The following STRIP1 variants were observed in gnomAD, a reference collection of about 807,000 sequenced individuals.
The protein encoded by STRIP1 is striatin interacting protein 1.
In STRIP1, 63 loss-of-function variants were observed where a neutral mutation model predicts 106.2. The ratio of observed to expected loss-of-function variants is 0.59; its 90% CI spans 0.48 to 0.73. The LOEUF is 0.73. Ranked by LOEUF, STRIP1 falls within the 30% of genes least tolerant of loss-of-function variation. The pLI is 0.00. For synonymous variants in STRIP1, 390 were observed against 413.0 expected, an observed-to-expected ratio of 0.94 and a Z score of 0.67; for missense variants, 857 against 1,074.8, an observed-to-expected ratio of 0.80 and a Z score of 2.83.
At position 110,054,014 on chromosome 1, in the gene STRIP1, G is replaced by A. The variant is rs1286376301; in HGVS notation, c.*102G>A. On this transcript the variant is annotated 3_prime_UTR_variant, in exon 21 of 21. Coordinates refer to ENST00000369795, the MANE Select transcript of STRIP1 (RefSeq NM_033088.4). The stretch of plus-strand genomic sequence containing the variant: ...GCAGTGCTCCCATCCCCCACCAGGT[G>A]GCAGCACAGCCCCACTGTGTCTTCC... 6.9e-7 allele frequency: 1 copy of A among 1,442,688 alleles called. No individual in the cohort carries two copies. The highest frequency in any genetic ancestry group is 1.4e-5 in the African/African-American group (1 of 71,744). The allele number at this position is 1,442,688 out of a possible 1,614,324, so 89.4% of individuals were successfully genotyped here.
intron 10 of STRIP1, 120 bp downstream of exon 10, chr1:110,043,976 C>T (rs1652899353): frequency 3.2e-6 from 3 of 947,606 alleles, no homozygotes; most frequent in South Asian, 2.8e-5. Context: ...GACCGTGGCT[C>T]TGGGATGAGG....
chr1:110,042,046 G>A (rs1041812482), intron 8 of STRIP1, among the ~76,000 whole-genome samples, 185 bp downstream of exon 8: 2 of 152,184 alleles, frequency 1.3e-5, no homozygotes, highest in Admixed American at 1.3e-4. Flanking sequence ...TGCAGCCAAC[G>A]AGGACATAGG....
At chr1:110,041,378 G>T in intron 6 of STRIP1, 158 bp from the exon 7 acceptor site, 1 of 594,592 alleles carries the variant, frequency 1.7e-6, no homozygotes, top group Non-Finnish European at 3.0e-6. Context: ...AGGAAGCTTA[G>T]GGTGGTAAAT....
chr1:110,049,250 G>C lies in STRIP1; in HGVS notation c.1788+12G>C, dbSNP rs761469618. 3 of 1,613,992 alleles carry C rather than the reference G, an allele frequency of 1.9e-6. No individual in the cohort carries two copies. The South Asian group carries it at 3.3e-5, about 18-fold the overall frequency. Reference sequence around the variant, plus strand: ...ACCATGTCTACCAGGTACCCACAGGGCTTTCCCTCCTGTCCTGTGGGCTGG... The same window carrying C: ...ACCATGTCTACCAGGTACCCACAGGCCTTTCCCTCCTGTCCTGTGGGCTGG... On this transcript the variant is annotated intron_variant, in intron 16 of 20. Coordinates refer to ENST00000369795, the MANE Select transcript of STRIP1 (RefSeq NM_033088.4).
rs1485916874 is a variant in STRIP1 at position 110,039,305 on chromosome 1, A to G, written c.459A>G (p.Gln153=). The change falls in exon 4 of 21, where the codon CAA becomes CAG. Residue 153 remains glutamine, a splice_region_variant and synonymous_variant. Transcript: ENST00000369795. ...KVARAILYVA[Q]GTFGECSSEA... ...CTCGAGCAATTCTCTATGTTGCTCA[A>G]GGTATTGAGTGGACCTCCCCAGGGT... 6 of 1,614,034 alleles carry G rather than the reference A, an allele frequency of 3.7e-6. No homozygotes were observed. Among genetic ancestry groups the G allele is most frequent in the East Asian group, 2.2e-5 (1 of 44,884 alleles).
chr1:110,034,463 C>T (rs1652329985), upstream of STRIP1, among the ~76,000 whole-genome samples: 1 of 152,170 alleles, frequency 6.6e-6, no homozygotes, highest in African/African-American at 2.4e-5. Flanking sequence ...CTAAAAAGAT[C>T]AACAAGGGAA....
chr1:110,041,836 T>C lies in STRIP1; in HGVS notation c.860T>C (p.Leu287Pro). The change falls in exon 8 of 21, where the codon CTC (leucine) becomes CCC (proline). Residue 287 changes from leucine to proline, a missense_variant. By Grantham distance (98) the Leu-to-Pro change is moderately conservative. Transcript: ENST00000369795. ...HAPHFPMKKV[L>P]LLLWKTVLCT... ...CCTCACTTTCCCATGAAGAAAGTTC[T>C]CTTGCTGCTCTGGAAGACAGTATTG... 1 of 1,614,212 alleles carries C rather than the reference T, an allele frequency of 6.2e-7. No individual in the cohort carries two copies. Among genetic ancestry groups the C allele is most frequent in the East Asian group, 2.2e-5 (1 of 44,888 alleles).
At chr1:110,034,931 G>C (rs1652367314) in intron 1 of STRIP1, 114 bp downstream of exon 1, 17 of 1,038,090 alleles carry the variant, frequency 1.6e-5, no homozygotes, top group Non-Finnish European at 2.2e-5. Context: ...GTAGAGTCCG[G>C]CCGAGAACTG....
rs755613448 is a variant in STRIP1, at chr1:110,041,782, T to C, written c.806T>C (p.Met269Thr). The stretch of plus-strand genomic sequence containing the variant: ...CCATTTGCCATCATGCTGTTTGGGA[T>C]GGTGACCAAATTTTGCAGTGGTCAC... ...NEPFAIMLFG[M>T]VTKFCSGHAP... is the part of the protein sequence containing the mutation. Residue 269 changes from methionine (M) to threonine (T), a missense_variant, in exon 8 of 21, where the codon ATG becomes ACG. Met to Thr is a moderately conservative substitution (Grantham distance 81). Coordinates refer to ENST00000369795, the MANE Select transcript of STRIP1 (RefSeq NM_033088.4). The C allele has an allele frequency of 5.1e-5, 83 of 1,614,052 alleles. No individual in the cohort carries two copies. Among genetic ancestry groups the C allele is most frequent in the Non-Finnish European group, 6.8e-5 (80 of 1,180,024 alleles).
intron 5 of STRIP1, among the ~76,000 whole-genome samples, chr1:110,040,176 TTTTTTG>T (rs910557063): frequency 9.9e-5 from 15 of 152,214 alleles, no homozygotes; most frequent in Non-Finnish European, 1.3e-4. Context: ...TTTTTGTGTT[TTTTTTG>T]TTTTTGTTTT....
chr1:110,037,558 G>T (rs990861796), intron 1 of STRIP1, among the ~76,000 whole-genome samples: 3 of 152,204 alleles, frequency 2.0e-5, no homozygotes, highest in African/African-American at 4.8e-5. Context: ...AAATATGTGT[G>T]TATAGACCAT....
chr1:110,049,688 A>T (rs922843611), intron 17 of STRIP1, 128 bp downstream of exon 17: 3 of 648,034 alleles, frequency 4.6e-6, no homozygotes, highest in African/African-American at 1.8e-5. Flanking sequence ...CAAGACATAA[A>T]GATAAATGAG....
rs573302468 is a variant in STRIP1, at chr1:110,039,701, A to G, written c.581+186A>G. 1.3e-5 allele frequency: 13 copies of G among 986,170 alleles called. No homozygotes were observed. The East Asian group carries it at 3.1e-4, about 23-fold the overall frequency. The allele number at this position is 986,170 out of a possible 1,614,324, so 61.1% of individuals were successfully genotyped here. On this transcript the variant is annotated intron_variant, in intron 5 of 20. Transcript: ENST00000369795. The stretch of plus-strand genomic sequence containing the variant: ...ACACCTTGAAGATTAATGGAGACTA[A>G]TGACAGGTCCCTGCAGCTCCCTGAT...
chr1:110,050,159 T>A, intron 17 of STRIP1, 184 bp from the exon 18 acceptor site: 1 of 598,604 alleles, frequency 1.7e-6, no homozygotes, highest in Non-Finnish European at 3.0e-6. Context: ...CTTTACAAGT[T>A]CTCTTGTAAC....
chr1:110,039,621 T>C (rs1225159596), intron 5 of STRIP1, 106 bp downstream of exon 5: 1 of 1,365,608 alleles, frequency 7.3e-7, no homozygotes, highest in East Asian at 2.5e-5. Context: ...GGGCAGAAGT[T>C]CTGGTCCCAG....
At chr1:110,038,071 A>AATATAT (rs3085770) in intron 2 of STRIP1, 111 bp downstream of exon 2, 1,947 of 129,856 alleles carry the variant, frequency 0.015, 54 homozygotes, top group African/African-American at 0.027. Flanking sequence ...AGTTCTATCA[A>AATATAT]ATATATATAT....
chr1:110,034,932 C>A, intron 1 of STRIP1, 115 bp downstream of exon 1: 1 of 1,036,950 alleles, frequency 9.6e-7, no homozygotes, highest in Non-Finnish European at 1.3e-6. Context: ...TAGAGTCCGG[C>A]CGAGAACTGT....
intron 13 of STRIP1, 36 bp downstream of exon 13, chr1:110,046,787 C>T: frequency 6.5e-7 from 1 of 1,539,700 alleles, no homozygotes; most frequent in South Asian, 1.1e-5. Flanking sequence ...CGCGGTGGCT[C>T]ACGCCTGTAA....
At chr1:110,040,574 T>C in intron 5 of STRIP1, 61 bp from the exon 6 acceptor site, 8 of 1,511,484 alleles carry the variant, frequency 5.3e-6, no homozygotes, top group Non-Finnish European at 7.2e-6. Context: ...TCAGTACTTG[T>C]CAGGGACATC....
Sources: allele counts gnomAD v4.1 joint callset (sites outside exome capture counted in the v4.1 genomes callset), GRCh38; gene constraint gnomAD v4.1.1; transcripts MANE v1.5; gene names NCBI Gene and HGNC (gene_info 2026-07-23, HGNC 2026-07-21).